The following SVOP variants were observed in gnomAD, a reference collection of about 807,000 sequenced individuals.
The protein encoded by SVOP is SV2 related protein, also known as synaptic vesicle 2-related protein.
SVOP carries 17 observed loss-of-function variants against 69.1 expected under a neutral mutation model. The ratio of observed to expected loss-of-function variants is 0.25; its 90% CI spans 0.17 to 0.37. SVOP has a LOEUF of 0.37. Among genes scored for constraint, SVOP ranks in the 10% least tolerant of loss-of-function variants. The pLI is 1.00. For missense variants in SVOP, 435 were observed against 597.5 expected (o/e 0.73, Z 2.84); for synonymous variants, 238 against 238.6 (o/e 1.00, Z 0.02).
At chr12:108,961,188 G>T in intron 5 of SVOP, 141 bp from the exon 6 acceptor site, 1 of 1,074,044 alleles carries the variant, frequency 9.3e-7, no homozygotes, top group Non-Finnish European at 1.3e-6. Context: ...CCTCTGTATG[G>T]GGAGTGCCAA....
At chr12:108,962,948 G>C (rs1593192397) in intron 5 of SVOP, among the ~76,000 whole-genome samples, 1 of 152,068 alleles carries the variant, frequency 6.6e-6, no homozygotes, top group Admixed American at 6.6e-5. Flanking sequence ...CTGAGGGACA[G>C]AGTGAGACTC....
At chr12:109,020,753 T>TACCCC in intron 1 of SVOP, 81 bp downstream of exon 1, 1 of 317,722 alleles carries the variant, frequency 3.1e-6, no homozygotes. Flanking sequence ...TGCAGAGATG[T>TACCCC]ACCCCCCCCC....
At chr12:109,003,062 A>G (rs962883473) in intron 1 of SVOP, among the ~76,000 whole-genome samples, 1 of 152,126 alleles carries the variant, frequency 6.6e-6, no homozygotes, top group Non-Finnish European at 1.5e-5. Flanking sequence ...AAACCTACTG[A>G]ATCAGCATCT....
At position 108,911,228 on chromosome 12, in the gene SVOP, C is replaced by T. The variant is rs1042602809; in HGVS notation, c.*1307G>A. Reference sequence around the variant, plus strand: ...GGCTGCCTTTGTGTAATGATCAAGACGTCCCTGGACAGAGGAGCAGCTTCG... The same window carrying T: ...GGCTGCCTTTGTGTAATGATCAAGATGTCCCTGGACAGAGGAGCAGCTTCG... On this transcript the variant is annotated 3_prime_UTR_variant, in exon 16 of 16. Coordinates refer to ENST00000610966, the MANE Select transcript of SVOP (RefSeq NM_018711.5). 2 of 152,182 alleles carry T rather than the reference C, an allele frequency of 1.3e-5. No homozygotes were observed. Among genetic ancestry groups the T allele is most frequent in the Non-Finnish European group, 2.9e-5 (2 of 68,056 alleles). 9.4% of individuals were successfully genotyped at this position (152,182 alleles called of 1,614,324 possible). A position where few individuals can be genotyped will look rare whatever the true frequency, so the allele number is the denominator to read the frequency against.
intron 7 of SVOP, among the ~76,000 whole-genome samples, chr12:108,944,128 G>A (rs541751326): frequency 3.3e-5 from 5 of 151,300 alleles, no homozygotes; most frequent in African/African-American, 4.9e-5. Context: ...TGATCCAAAC[G>A]CCCCGGCCTC....
At chr12:109,020,783 G>GT (rs1222263940) in intron 1 of SVOP, 51 bp downstream of exon 1, 4 of 631,010 alleles carry the variant, frequency 6.3e-6, no homozygotes, top group East Asian at 3.0e-5. Context: ...GCAGGTTTTC[G>GT]TTTTTTAAAA....
chr12:108,943,203 A>G (rs1425461564), intron 7 of SVOP, among the ~76,000 whole-genome samples: 2 of 152,088 alleles, frequency 1.3e-5, no homozygotes, highest in Non-Finnish European at 2.9e-5. Flanking sequence ...GAACCTTCCA[A>G]AGTCCCCTTT....
chr12:108,915,135 T>G (rs572914594), intron 15 of SVOP, among the ~76,000 whole-genome samples: 1 of 143,268 alleles, frequency 7.0e-6, no homozygotes, highest in South Asian at 2.2e-4. Flanking sequence ...ATCACACCAC[T>G]GCACTCCAGC....
chr12:108,913,626 G>C (rs574643520), intron 15 of SVOP, among the ~76,000 whole-genome samples: 1 of 152,268 alleles, frequency 6.6e-6, no homozygotes, highest in South Asian at 2.1e-4. Flanking sequence ...TTGGCACATG[G>C]CAAACAACAC....
At chr12:108,937,462 C>T in intron 9 of SVOP, 125 bp from the exon 10 acceptor site, 1 of 898,122 alleles carries the variant, frequency 1.1e-6, no homozygotes, top group East Asian at 2.4e-5. Flanking sequence ...GACACTGGAG[C>T]TCTGAGAACC....
At chr12:108,920,297 C>T (rs2039740494) in intron 12 of SVOP, among the ~76,000 whole-genome samples, 1 of 152,184 alleles carries the variant, frequency 6.6e-6, no homozygotes, top group South Asian at 2.1e-4. Flanking sequence ...TTGTTTTAAG[C>T]CACTACATTT....
chr12:108,974,051 G>A (rs1373799577), intron 4 of SVOP, among the ~76,000 whole-genome samples: 5 of 152,196 alleles, frequency 3.3e-5, no homozygotes, highest in African/African-American at 4.8e-5. Flanking sequence ...TTTGGCACAC[G>A]CAATTTGGAG....
At position 108,909,489 on chromosome 12, in the gene SVOP, A is replaced by G. The variant is rs1374963279; in HGVS notation, c.*3046T>C. ...GAGACTTCATCTCAAAAAAAAAAAA[A>G]AAGTAATTGCAGTTTTTGCCATTGA... is the stretch of plus-strand genomic sequence containing the variant. On this transcript the variant is annotated 3_prime_UTR_variant, in exon 16 of 16. Transcript: ENST00000610966. The G allele has an allele frequency of 6.6e-6, 1 of 152,040 alleles. No homozygotes were observed. Among genetic ancestry groups the G allele is most frequent in the Non-Finnish European group, 1.5e-5 (1 of 68,036 alleles). The allele number at this position is 152,040 out of a possible 1,614,324, so 9.4% of individuals were successfully genotyped here. A position where few individuals can be genotyped will look rare whatever the true frequency, so the allele number is the denominator to read the frequency against.
chr12:109,012,820 T>C (rs549280299), intron 1 of SVOP, among the ~76,000 whole-genome samples: 1 of 152,184 alleles, frequency 6.6e-6, no homozygotes, highest in African/African-American at 2.4e-5. Context: ...TCTCAGCTAC[T>C]GGGGAGGTTG....
intron 6 of SVOP, among the ~76,000 whole-genome samples, chr12:108,956,234 G>A (rs562205227): frequency 5.3e-5 from 8 of 151,852 alleles, no homozygotes; most frequent in African/African-American, 9.7e-5. Flanking sequence ...CCCTGGAGGC[G>A]GAGCTTGTAG....
intron 4 of SVOP, among the ~76,000 whole-genome samples, chr12:108,973,573 T>G (rs2040091168): frequency 6.6e-6 from 1 of 152,034 alleles, no homozygotes; most frequent in Non-Finnish European, 1.5e-5. Flanking sequence ...ATTTATTTAT[T>G]TATTTAGTAG....
intron 1 of SVOP, among the ~76,000 whole-genome samples, chr12:109,013,587 A>G (rs1349051715): frequency 6.6e-6 from 1 of 151,958 alleles, no homozygotes; most frequent in African/African-American, 2.4e-5. Context: ...GACGGTTTTC[A>G]CCATGTTGGC....
At chr12:108,990,990 T>A (rs541111079) in intron 1 of SVOP, among the ~76,000 whole-genome samples, 2 of 152,340 alleles carry the variant, frequency 1.3e-5, no homozygotes, top group Non-Finnish European at 2.9e-5. Context: ...CAAGCGATTC[T>A]GCTGTCCCCC....
intron 1 of SVOP, among the ~76,000 whole-genome samples, chr12:109,001,401 T>C (rs2040268670): frequency 6.6e-6 from 1 of 151,296 alleles, no homozygotes; most frequent in South Asian, 2.1e-4. Context: ...ATTTATAGAT[T>C]CAATGCCATC....
Sources: gnomAD v4.1 joint callset for allele counts (sites outside exome capture counted in the v4.1 genomes callset) on GRCh38, gnomAD v4.1.1 for gene constraint, MANE v1.5 for transcripts, NCBI Gene and HGNC (gene_info 2026-07-23, HGNC 2026-07-21) for gene names.